Variants in DAAM1 observed in about 807,000 individuals in gnomAD.
The protein encoded by DAAM1 is dishevelled associated activator of morphogenesis 1.
Under a neutral mutation model 130.0 loss-of-function variants are expected in DAAM1, and 52 were observed. The ratio of observed to expected loss-of-function variants is 0.40; its 90% CI spans 0.32 to 0.50. The LOEUF is 0.50. DAAM1 is among the 20% of genes least tolerant of loss of function. The pLI, the probability that DAAM1 is intolerant of heterozygous loss-of-function variation, is 0.61. For synonymous variants in DAAM1, 452 were observed against 444.5 expected, an observed-to-expected ratio of 1.02 and a Z score of -0.21; for missense variants, 1,134 against 1,303.8, an observed-to-expected ratio of 0.87 and a Z score of 2.01.
At chr14:59,230,210 G>A (rs548389987) in intron 1 of DAAM1, among the ~76,000 whole-genome samples, 30 of 151,972 alleles carry the variant, frequency 2.0e-4, no homozygotes, top group Non-Finnish European at 2.1e-4. Context: ...TAGACTCCCA[G>A]TAGCCTTTGT....
chr14:59,340,148 G>T lies in DAAM1; in HGVS notation c.2043G>T (p.Arg681=). 6.2e-7 allele frequency: 1 copy of T among 1,613,462 alleles called. No homozygotes were observed. Among genetic ancestry groups the T allele is most frequent in the Non-Finnish European group, 8.5e-7 (1 of 1,179,594 alleles). ...AAGAGCTTTCGGTGATTGATGGTCG[G>T]AGAGCTCAGAATTGCAACATCCTTC... The part of the protein sequence containing the change: ...KVKELSVIDG[R]RAQNCNILLS... Residue 681 remains arginine (R), a synonymous_variant, in exon 16 of 25, where the codon CGG becomes CGT. Coordinates refer to ENST00000360909, the MANE Select transcript of DAAM1 (RefSeq NM_001270520.2).
chr14:59,333,921 G>T (rs1885534086), intron 15 of DAAM1, among the ~76,000 whole-genome samples: 1 of 152,210 alleles, frequency 6.6e-6, no homozygotes, highest in Non-Finnish European at 1.5e-5. Flanking sequence ...TAGCAATTGG[G>T]TAATTGTCTC....
At chr14:59,367,644 A>G (rs923496725) in intron 24 of DAAM1, 45 bp downstream of exon 24, 12 of 1,587,388 alleles carry the variant, frequency 7.6e-6, no homozygotes, top group African/African-American at 2.7e-5. Context: ...TAGAAGTTCT[A>G]TGACTGCAGC....
At chr14:59,310,032 A>T (rs924979541) in intron 3 of DAAM1, among the ~76,000 whole-genome samples, 2 of 151,674 alleles carry the variant, frequency 1.3e-5, no homozygotes, top group Non-Finnish European at 2.9e-5. Flanking sequence ...GTGTAGAGTG[A>T]ATTTATTTAA....
At chr14:59,338,722 C>G (rs993542030) in intron 15 of DAAM1, among the ~76,000 whole-genome samples, 1 of 151,744 alleles carries the variant, frequency 6.6e-6, no homozygotes, top group East Asian at 1.9e-4. Context: ...TTTTTTAATG[C>G]TACCGTTATT....
At chr14:59,228,135 A>C (rs1888998005) in intron 1 of DAAM1, among the ~76,000 whole-genome samples, 1 of 152,192 alleles carries the variant, frequency 6.6e-6, no homozygotes, top group South Asian at 2.1e-4. Context: ...GGGAAGAAAA[A>C]AAATCATAGG....
At chr14:59,275,485 T>G (rs1234233570) in intron 2 of DAAM1, among the ~76,000 whole-genome samples, 1 of 152,198 alleles carries the variant, frequency 6.6e-6, no homozygotes, top group Non-Finnish European at 1.5e-5. Context: ...TTGTACTAGA[T>G]TATAGGTGTA....
chr14:59,289,784 A>ATATATAT, intron 2 of DAAM1, among the ~76,000 whole-genome samples: 14 of 128,704 alleles, frequency 1.1e-4, no homozygotes, highest in South Asian at 2.4e-4. Context: ...ATATATATAT[A>ATATATAT]ATGGAATGCT....
In DAAM1 at chr14:59,340,097, C is replaced by A. The variant is rs770685227; in HGVS notation, c.1992C>A (p.Asp664Glu). The A allele has an allele frequency of 6.2e-7, 1 of 1,613,626 alleles. No individual in the cohort carries two copies. The highest frequency in any genetic ancestry group is 8.5e-7 in the Non-Finnish European group (1 of 1,179,668). The stretch of plus-strand genomic sequence containing the variant: ...AGAAAGAAGCAGATGCCATTGATGA[C>A]ACTCTGAGTTCCAAACTTAAAGTTA... ...RQQKEADAID[D>E]TLSSKLKVKE... Residue 664 changes from aspartate (D) to glutamate (E), a missense_variant, in exon 16 of 25, where the codon GAC (aspartate) becomes GAA (glutamate). Around this residue, in one of 3 missense-constraint regions of DAAM1, gnomAD observed 644 missense variants for 695.9 expected, o/e 0.93. Coordinates refer to ENST00000360909, the MANE Select transcript of DAAM1 (RefSeq NM_001270520.2).
At chr14:59,280,940 C>T (rs1382521248) in intron 2 of DAAM1, among the ~76,000 whole-genome samples, 6 of 152,092 alleles carry the variant, frequency 3.9e-5, no homozygotes, top group African/African-American at 1.2e-4. Flanking sequence ...TATTTTCTCT[C>T]CTCCTCTCCC....
chr14:59,328,488 G>A (rs1037748863), intron 12 of DAAM1, among the ~76,000 whole-genome samples: 5 of 152,142 alleles, frequency 3.3e-5, no homozygotes, highest in African/African-American at 2.4e-5. Context: ...TCATTCATTC[G>A]TTCATTCAGT....
chr14:59,349,550 A>G (rs764880527), intron 17 of DAAM1, among the ~76,000 whole-genome samples: 1 of 152,114 alleles, frequency 6.6e-6, no homozygotes, highest in Non-Finnish European at 1.5e-5. Context: ...CGTTTCCTCT[A>G]TACAACACTC....
rs1183357961 is a variant in DAAM1 at position 59,355,213 on chromosome 14, A to G, written c.2405A>G (p.Gln802Arg). The change falls in exon 20 of 25, where the codon CAG becomes CGG. Residue 802 changes from glutamine (Q) to arginine (R), a missense_variant. This residue lies in a region of DAAM1 where 644 missense variants were observed against 695.9 expected (regional missense o/e 0.93). Coordinates refer to ENST00000360909, the MANE Select transcript of DAAM1 (RefSeq NM_001270520.2). ...EEVFRSGALK[Q>R]LLEVVLAFGN... The stretch of plus-strand genomic sequence containing the variant: ...GTGTTTAGGAGTGGTGCCCTCAAGC[A>G]GTTGCTGGAGGTGGTTTTGGCATTT... The G allele has an allele frequency of 6.2e-7, 1 of 1,614,202 alleles. No individual in the cohort carries two copies. Among genetic ancestry groups the G allele is most frequent in the South Asian group, 1.1e-5 (1 of 91,080 alleles).
chr14:59,199,774 T>G (rs1888040417), intron 1 of DAAM1, among the ~76,000 whole-genome samples: 1 of 152,180 alleles, frequency 6.6e-6, no homozygotes, highest in South Asian at 2.1e-4. Context: ...GATAATTATT[T>G]GTTGTGAGGC....
intron 1 of DAAM1, among the ~76,000 whole-genome samples, chr14:59,229,912 G>A (rs1256223578): frequency 6.6e-6 from 1 of 152,150 alleles, no homozygotes; most frequent in Non-Finnish European, 1.5e-5. Context: ...TGCCAAATAA[G>A]CTTCTCCCAC....
chr14:59,345,876 T>A (rs1413146873), intron 16 of DAAM1, among the ~76,000 whole-genome samples: 1 of 152,074 alleles, frequency 6.6e-6, no homozygotes, highest in Non-Finnish European at 1.5e-5. Context: ...GAAACACTGG[T>A]GAAATAGTGG....
rs1193433297 is a variant in DAAM1, at chr14:59,194,903, G to C, written c.-38+6135G>C. ...TGGTGCGATTTCGTGACTTACAATAGATCTTTTCCTTTTGGCTTAAAACTA... is the reference window on the plus strand; with the variant it reads ...TGGTGCGATTTCGTGACTTACAATACATCTTTTCCTTTTGGCTTAAAACTA... On this transcript the variant is annotated intron_variant, in intron 1 of 24. Transcript: ENST00000360909. 3.3e-5 allele frequency among the ~76,000 whole-genome samples: 5 copies of C among 152,316 alleles called. No individual in the cohort carries two copies. The East Asian group carries it at 5.8e-4, about 18-fold the overall frequency.
chr14:59,241,583 T>G (rs577420171), intron 1 of DAAM1, among the ~76,000 whole-genome samples: 4 of 152,358 alleles, frequency 2.6e-5, no homozygotes, highest in Middle Eastern at 3.4e-3. Flanking sequence ...TTATTTCTTC[T>G]GCATGAGGAA....
At chr14:59,327,398 G>GTTTTTTTTTTTTTTT (rs1338982717) in intron 12 of DAAM1, among the ~76,000 whole-genome samples, 15 of 72,758 alleles carry the variant, frequency 2.1e-4, no homozygotes, top group African/African-American at 8.8e-4. Context: ...AGGTCACTTG[G>GTTTTTTTTTTTTTTT]TTTCTTTTTT....
Sources: gnomAD v4.1 joint callset for allele counts (sites outside exome capture counted in the v4.1 genomes callset) on GRCh38, gnomAD v4.1.1 for gene constraint, gnomAD v4.1.1 regional missense constraint, MANE v1.5 for transcripts, NCBI Gene and HGNC (gene_info 2026-07-23, HGNC 2026-07-21) for gene names.